The following POU2F1 variants were observed in gnomAD, a reference collection of about 807,000 sequenced individuals.
The protein encoded by POU2F1 is POU class 2 homeobox 1.
A neutral mutation model predicts 84.9 loss-of-function variants in POU2F1; 16 were observed. That is an observed-to-expected ratio of 0.19 (90% confidence interval 0.13 to 0.29). POU2F1 has a LOEUF of 0.29. Ranked by LOEUF, POU2F1 falls within the 10% of genes least tolerant of loss-of-function variation. POU2F1 has a pLI of 1.00. For synonymous variants in POU2F1, 368 were observed against 368.3 expected (o/e 1.00, Z 0.01); for missense variants, 738 against 942.6 (o/e 0.78, Z 2.84).
At chr1:167,328,378 A>T (rs539421438) in intron 1 of POU2F1, among the ~76,000 whole-genome samples, 1 of 152,232 alleles carries the variant, frequency 6.6e-6, no homozygotes, top group South Asian at 2.1e-4. Flanking sequence ...CTTTCTCTTG[A>T]CGGAAGTGTG....
At chr1:167,393,302 G>A (rs1256862186) in intron 9 of POU2F1, among the ~76,000 whole-genome samples, 1 of 152,142 alleles carries the variant, frequency 6.6e-6, no homozygotes, top group African/African-American at 2.4e-5. Flanking sequence ...TATGTTAACT[G>A]AGGAGTCTGT....
chr1:167,318,656 G>A (rs1049996744), intron 1 of POU2F1, among the ~76,000 whole-genome samples: 1 of 152,150 alleles, frequency 6.6e-6, no homozygotes, highest in Non-Finnish European at 1.5e-5. Flanking sequence ...GGCATTATTT[G>A]CCAGCCAAGA....
At chr1:167,277,722 T>C (rs1652833916) in intron 1 of POU2F1, among the ~76,000 whole-genome samples, 1 of 152,192 alleles carries the variant, frequency 6.6e-6, no homozygotes, top group South Asian at 2.1e-4. Flanking sequence ...CAGTTACTAC[T>C]CGCTGATGCC....
chr1:167,311,799 TA>T (rs1655496950), intron 1 of POU2F1, among the ~76,000 whole-genome samples: 4 of 151,360 alleles, frequency 2.6e-5, no homozygotes, highest in African/African-American at 9.7e-5. Context: ...TTTATTTATT[TA>T]TTTATTTATT....
chr1:167,375,411 C>T (rs1407527445), intron 6 of POU2F1, among the ~76,000 whole-genome samples: 1 of 152,084 alleles, frequency 6.6e-6, no homozygotes, highest in Non-Finnish European at 1.5e-5. Context: ...AATAAGATAA[C>T]GTTCATGAAA....
chr1:167,310,697 G>A (rs1279547592), intron 1 of POU2F1, among the ~76,000 whole-genome samples: 1 of 152,102 alleles, frequency 6.6e-6, no homozygotes, highest in Non-Finnish European at 1.5e-5. Flanking sequence ...TATCTGACAA[G>A]GATTTTAAAG....
At chr1:167,297,710 C>G (rs1358252443) in intron 1 of POU2F1, among the ~76,000 whole-genome samples, 2 of 152,274 alleles carry the variant, frequency 1.3e-5, no homozygotes, top group East Asian at 3.9e-4. Context: ...CCAGCATGTA[C>G]TACTACTATG....
chr1:167,296,930 T>G (rs2102552477), intron 1 of POU2F1, among the ~76,000 whole-genome samples: 1 of 152,308 alleles, frequency 6.6e-6, no homozygotes, highest in African/African-American at 2.4e-5. Flanking sequence ...CTATATATGT[T>G]TATATGCTGT....
At chr1:167,313,796 A>T (rs1655668562) in intron 1 of POU2F1, among the ~76,000 whole-genome samples, 1 of 152,246 alleles carries the variant, frequency 6.6e-6, no homozygotes, top group Non-Finnish European at 1.5e-5. Context: ...GGATGAAAAG[A>T]CATGGTCCAC....
At chr1:167,354,165 C>G (rs2101796603) in intron 2 of POU2F1, among the ~76,000 whole-genome samples, 1 of 152,192 alleles carries the variant, frequency 6.6e-6, no homozygotes, top group Non-Finnish European at 1.5e-5. Context: ...TTTGTTTATT[C>G]CATTATTGAT....
At chr1:167,414,135 C>T (rs1650153438) in intron 15 of POU2F1, among the ~76,000 whole-genome samples, 4 of 152,098 alleles carry the variant, frequency 2.6e-5, no homozygotes, top group Admixed American at 2.6e-4. Flanking sequence ...ACAGACAAAA[C>T]CAAACCATGG....
chr1:167,306,852 A>G (rs568040053), intron 1 of POU2F1, among the ~76,000 whole-genome samples: 4 of 152,214 alleles, frequency 2.6e-5, no homozygotes, highest in East Asian at 3.9e-4. Context: ...CAAAGGCCCT[A>G]TTTCTCACTA....
At chr1:167,405,695 T>TA (rs1183242331) in intron 13 of POU2F1, among the ~76,000 whole-genome samples, 6 of 151,012 alleles carry the variant, frequency 4.0e-5, no homozygotes, top group South Asian at 2.1e-4. Flanking sequence ...TGGGGGAAAA[T>TA]AAAAAAAAGC....
rs71073658 is a variant in POU2F1, at chr1:167,267,630, CTTTTTTTTTTT to C, written c.61+46687_61+46697del. Among the ~76,000 whole-genome samples, 32 of 70,492 alleles carry C rather than the reference CTTTTTTTTTTT, an allele frequency of 4.5e-4. 1 individual carries two copies. In the East Asian group the frequency reaches 9.3e-3, roughly 21 times the overall value. The allele number at this position is 70,492 out of a possible 152,430, so 46.2% of individuals were successfully genotyped here. A position where few individuals can be genotyped will look rare whatever the true frequency, so the allele number is the denominator to read the frequency against. ...TGTGAAAGTATCACAGTTACTGTGT[CTTTTTTTTTTT>C]TTTTTTTTTTTTTTGAGATGGAGTG... On this transcript the variant is annotated intron_variant, in intron 1 of 15. Coordinates refer to ENST00000367866, the MANE Select transcript of POU2F1 (RefSeq NM_002697.4).
At chr1:167,346,165 A>T (rs1366778901) in intron 2 of POU2F1, among the ~76,000 whole-genome samples, 1 of 151,890 alleles carries the variant, frequency 6.6e-6, no homozygotes, top group African/African-American at 2.4e-5. Context: ...ACAGAGTGAG[A>T]CCCTGGATTT....
At chr1:167,339,960 T>C (rs947994437) in intron 2 of POU2F1, among the ~76,000 whole-genome samples, 1 of 152,226 alleles carries the variant, frequency 6.6e-6, no homozygotes, top group Non-Finnish European at 1.5e-5. Context: ...TATAAAAACC[T>C]CATGAAACAT....
chr1:167,380,054 C>T (rs1372102597), intron 7 of POU2F1: 1 of 152,180 alleles, frequency 6.6e-6, no homozygotes, highest in African/African-American at 2.4e-5. Flanking sequence ...TTATCTTCCC[C>T]TTCACTTACA....
chr1:167,370,390 A>T (rs1166244661), intron 4 of POU2F1, among the ~76,000 whole-genome samples, 176 bp downstream of exon 4: 1 of 152,188 alleles, frequency 6.6e-6, no homozygotes, highest in Non-Finnish European at 1.5e-5. Context: ...AATCAGTTTT[A>T]TATTATGCTA....
rs1441917725 is a variant in POU2F1 at position 167,415,737 on chromosome 1, A to G, written c.2228A>G (p.Gln743Arg). 6.2e-7 allele frequency: 1 copy of G among 1,614,028 alleles called. No homozygotes were observed. The highest frequency in any genetic ancestry group is 1.3e-5 in the African/African-American group (1 of 74,918). Residue 743 changes from glutamine to arginine, a missense_variant, in exon 16 of 16, where the codon CAG becomes CGG. This residue lies in a region of POU2F1 where 319 missense variants were observed against 386.0 expected (regional missense o/e 0.83). Transcript: ENST00000367866. ...ACCTCCACCTCTGCTGAGTCCATCC[A>G]GAACTCTCTCTTCACAGTGGCCTCT... Reference protein sequence around the residue: ...HATSTSAESIQNSLFTVASAS... With the variant: ...HATSTSAESIRNSLFTVASAS...
Sources: allele counts gnomAD v4.1 joint callset (sites outside exome capture counted in the v4.1 genomes callset), GRCh38; gene constraint gnomAD v4.1.1; regional missense constraint gnomAD v4.1.1; transcripts MANE v1.5; gene names NCBI Gene and HGNC (gene_info 2026-07-23, HGNC 2026-07-21).